The following AMN1 variants were observed in gnomAD, a reference collection of about 807,000 sequenced individuals.
AMN1 encodes antagonist of mitotic exit network 1 homolog.
In AMN1, 20 loss-of-function variants were observed where a neutral mutation model predicts 33.0. The observed-to-expected ratio is 0.61, with a 90% CI of 0.43 to 0.88. The LOEUF is 0.88. AMN1 is among the 40% of genes least tolerant of loss of function. AMN1 has a pLI of 0.00. For synonymous variants in AMN1, 114 were observed against 111.9 expected, an observed-to-expected ratio of 1.02 and a Z score of -0.12; for missense variants, 246 against 307.4, an observed-to-expected ratio of 0.80 and a Z score of 1.49.
intron 1 of AMN1, among the ~76,000 whole-genome samples, chr12:31,710,952 C>T (rs549437712): frequency 6.6e-6 from 1 of 152,234 alleles, no homozygotes; most frequent in East Asian, 1.9e-4. Context: ...CTCTGTCACC[C>T]AGGCTGGAGT....
chr12:31,697,439 C>T (rs779927408), intron 4 of AMN1, 22 bp from the exon 5 acceptor site: 9 of 1,610,648 alleles, frequency 5.6e-6, no homozygotes, highest in Non-Finnish European at 7.6e-6. Context: ...GAAAAAGAAA[C>T]ACAGTCCATG....
At chr12:31,693,058 CT>C (rs150940789) in intron 5 of AMN1, among the ~76,000 whole-genome samples, 1 of 152,052 alleles carries the variant, frequency 6.6e-6, no homozygotes. Context: ...GCTTGTTGAT[CT>C]TTTTTTCTTT....
intron 1 of AMN1, among the ~76,000 whole-genome samples, chr12:31,712,259 T>A (rs941651089): frequency 2.0e-5 from 3 of 152,132 alleles, no homozygotes; most frequent in East Asian, 1.9e-4. Context: ...TATTATTATT[T>A]TTTTTCAAGA....
chr12:31,699,718 A>C (rs770868122), intron 3 of AMN1, among the ~76,000 whole-genome samples: 1 of 152,216 alleles, frequency 6.6e-6, no homozygotes, highest in Non-Finnish European at 1.5e-5. Context: ...GAGGTCATGG[A>C]AACCCTCCAT....
intron 6 of AMN1, among the ~76,000 whole-genome samples, chr12:31,674,289 T>G (rs1298573942): frequency 6.6e-6 from 1 of 151,896 alleles, no homozygotes; most frequent in African/African-American, 2.4e-5. Flanking sequence ...GCACCTGTAG[T>G]CCCAGCTACC....
At chr12:31,691,661 A>G (rs1054506857) in intron 5 of AMN1, among the ~76,000 whole-genome samples, 1 of 152,208 alleles carries the variant, frequency 6.6e-6, no homozygotes, top group Non-Finnish European at 1.5e-5. Flanking sequence ...ATTTGAAAGC[A>G]TATAAAACAA....
intron 1 of AMN1, chr12:31,714,783 G>T: frequency 2.9e-6 from 1 of 340,286 alleles, no homozygotes; most frequent in Non-Finnish European, 4.2e-6. Context: ...AAACTCAAAA[G>T]CAGAGACTTT....
chr12:31,696,530 G>C (rs1267924793), intron 5 of AMN1, among the ~76,000 whole-genome samples: 1 of 152,040 alleles, frequency 6.6e-6, no homozygotes, highest in Non-Finnish European at 1.5e-5. Context: ...TGTCAACTGG[G>C]GAAGACAGAA....
chr12:31,709,078 T>C (rs781370456), intron 2 of AMN1: 2 of 606,538 alleles, frequency 3.3e-6, no homozygotes, highest in Admixed American at 4.5e-5. Flanking sequence ...CTCAGGAGGC[T>C]GAAGAGGGAT....
intron 1 of AMN1, among the ~76,000 whole-genome samples, chr12:31,726,491 T>G (rs1940076354): frequency 6.6e-6 from 1 of 152,232 alleles, no homozygotes; most frequent in Non-Finnish European, 1.5e-5. Flanking sequence ...TTCTCTTTCC[T>G]CGGTCCCTCT....
chr12:31,707,066 G>A (rs1175643263), intron 2 of AMN1, among the ~76,000 whole-genome samples: 11 of 151,954 alleles, frequency 7.2e-5, no homozygotes, highest in Admixed American at 5.2e-4. Flanking sequence ...TATAGCAGTT[G>A]AAAAAAGAAC....
intron 1 of AMN1, 108 bp from the exon 2 acceptor site, chr12:31,709,533 T>C: frequency 7.2e-7 from 1 of 1,393,738 alleles, no homozygotes; most frequent in South Asian, 1.5e-5. Flanking sequence ...AGTGTGTACA[T>C]TTTGGCTGGG....
chr12:31,700,649 C>T (rs574525319), intron 3 of AMN1, among the ~76,000 whole-genome samples: 2 of 151,938 alleles, frequency 1.3e-5, no homozygotes, highest in South Asian at 2.1e-4. Flanking sequence ...AAAATACAGA[C>T]GTATGTATCC....
chr12:31,718,923 C>T (rs1289957693), intron 1 of AMN1, among the ~76,000 whole-genome samples: 1 of 152,256 alleles, frequency 6.6e-6, no homozygotes, highest in Non-Finnish European at 1.5e-5. Context: ...CCGCCAAGCT[C>T]CCACATCCCA....
At position 31,709,794 on chromosome 12, in the gene AMN1, G is replaced by A. The variant is rs56756750; in HGVS notation, c.39-369C>T. The stretch of plus-strand genomic sequence containing the variant: ...CAGTGAGCTGTGATTGTGCCACTAC[G>A]CTCCAGCCTGGGCAACAGAGCAAGA... On this transcript the variant is annotated intron_variant, in intron 1 of 6. Coordinates refer to ENST00000281471, the MANE Select transcript of AMN1 (RefSeq NM_001113402.2). Among the ~76,000 whole-genome samples the A allele has an allele frequency of 5.2e-3, 791 of 151,874 alleles. 12 individuals are homozygous for A. Among genetic ancestry groups the A allele is most frequent in the African/African-American group, 0.019 (770 of 41,402 alleles).
chr12:31,700,065 C>G (rs760851263), intron 3 of AMN1, among the ~76,000 whole-genome samples: 8 of 151,742 alleles, frequency 5.3e-5, no homozygotes, highest in Non-Finnish European at 1.0e-4. Context: ...TCCTAACTCG[C>G]TAACCAAGAT....
At chr12:31,702,970 C>T (rs1045064219) in intron 2 of AMN1, among the ~76,000 whole-genome samples, 2 of 152,216 alleles carry the variant, frequency 1.3e-5, no homozygotes, top group Admixed American at 1.3e-4. Context: ...CTCCCGGCTT[C>T]AGGTGATCTG....
At chr12:31,705,686 T>G (rs1239050650) in intron 2 of AMN1, among the ~76,000 whole-genome samples, 1 of 152,180 alleles carries the variant, frequency 6.6e-6, no homozygotes, top group Non-Finnish European at 1.5e-5. Flanking sequence ...AGGTCTGCCT[T>G]TCTTCATGGT....
intron 1 of AMN1, among the ~76,000 whole-genome samples, chr12:31,717,633 TCA>T (rs1939727954): frequency 6.6e-6 from 1 of 152,184 alleles, no homozygotes; most frequent in African/African-American, 2.4e-5. Context: ...CTAATTTAAT[TCA>T]GTCTTATTTA....
Sources: gnomAD v4.1 joint callset for allele counts (sites outside exome capture counted in the v4.1 genomes callset) on GRCh38, gnomAD v4.1.1 for gene constraint, MANE v1.5 for transcripts, NCBI Gene and HGNC (gene_info 2026-07-23, HGNC 2026-07-21) for gene names.